LHPP: variants seen among roughly 807,000 people sequenced by gnomAD.
LHPP encodes phospholysine phosphohistidine inorganic pyrophosphate phosphatase, also known as hLHPP.
LHPP carries 24 observed loss-of-function variants against 30.3 expected under a neutral mutation model. The observed-to-expected ratio is 0.79, with a 90% CI of 0.57 to 1.11. LHPP has a LOEUF of 1.11. Ranked by LOEUF, LHPP falls within the 50% of genes most tolerant of loss-of-function variation. The pLI, the probability that LHPP is intolerant of heterozygous loss-of-function variation, is 0.00. For synonymous variants in LHPP, 150 were observed against 157.1 expected (o/e 0.95, Z 0.34); for missense variants, 356 against 367.2 (o/e 0.97, Z 0.25).
Position 124,576,885 on chromosome 10 carries a change from G to C in LHPP, c.717-36379G>C, listed in dbSNP as rs1368951717. ...GCTGCTGAGCACCCGACCACAGCCA[G>C]GCCTCCATGTGCCACTGTCAAGGGG... On this transcript the variant is annotated intron_variant, in intron 6 of 6. Transcript: ENST00000368842. This position sits in a 1 kb window ranked among gnomAD's most constrained non-coding sequence, Gnocchi z 4.2. 6.6e-6 allele frequency among the ~76,000 whole-genome samples: 1 copy of C among 152,150 alleles called. No individual in the cohort carries two copies. Among genetic ancestry groups the C allele is most frequent in the African/African-American group, 2.4e-5 (1 of 41,436 alleles).
chr10:124,526,063 G>T (rs749370850), intron 6 of LHPP: 1 of 499,438 alleles, frequency 2.0e-6, no homozygotes, highest in African/African-American at 2.1e-5. Context: ...TCTTGGGAAC[G>T]TGCAGGTCCC....
At chr10:124,600,371 G>A (rs1949005531) in intron 6 of LHPP, among the ~76,000 whole-genome samples, 1 of 152,272 alleles carries the variant, frequency 6.6e-6, no homozygotes, top group Admixed American at 6.5e-5. Context: ...CAGGCGACTG[G>A]GGCAGGGTGG....
intron 6 of LHPP, among the ~76,000 whole-genome samples, chr10:124,551,788 G>A (rs1002069045): frequency 6.6e-6 from 1 of 152,156 alleles, no homozygotes; most frequent in Non-Finnish European, 1.5e-5. Flanking sequence ...GCCGGCCTTG[G>A]GGAGCACCAG....
intron 1 of LHPP, among the ~76,000 whole-genome samples, chr10:124,463,961 C>A (rs185273198): frequency 6.6e-6 from 1 of 152,074 alleles, no homozygotes; most frequent in Non-Finnish European, 1.5e-5. Flanking sequence ...GAACTACAGG[C>A]ACGTGCCACC....
At chr10:124,469,271 A>G (rs890409818) in intron 1 of LHPP, among the ~76,000 whole-genome samples, 8 of 152,290 alleles carry the variant, frequency 5.3e-5, no homozygotes, top group African/African-American at 1.9e-4. Context: ...GCTCCCTGGC[A>G]GCATCGTCCG....
intron 6 of LHPP, among the ~76,000 whole-genome samples, chr10:124,522,126 C>T (rs1190959547): frequency 1.3e-5 from 2 of 152,210 alleles, no homozygotes; most frequent in African/African-American, 4.8e-5. Context: ...CATCCCCGGG[C>T]AGGGGTGTCT....
chr10:124,473,996 T>A (rs1437054316), intron 1 of LHPP, among the ~76,000 whole-genome samples: 1 of 151,900 alleles, frequency 6.6e-6, no homozygotes, highest in South Asian at 2.1e-4. Context: ...TTTTTTTAAG[T>A]TTTTGTTTTC....
chr10:124,539,108 G>A (rs1955111959), intron 6 of LHPP, among the ~76,000 whole-genome samples: 1 of 152,148 alleles, frequency 6.6e-6, no homozygotes, highest in African/African-American at 2.4e-5. Context: ...AATCTGGGGT[G>A]TCCTGAGGCA....
intron 6 of LHPP, among the ~76,000 whole-genome samples, chr10:124,591,229 C>T (rs1465737277): frequency 6.6e-6 from 1 of 152,212 alleles, no homozygotes; most frequent in African/African-American, 2.4e-5. Context: ...ATGGCCTGAG[C>T]TGCCGGTGAG....
intron 6 of LHPP, among the ~76,000 whole-genome samples, chr10:124,536,453 G>T (rs2133938508): frequency 6.6e-6 from 1 of 152,294 alleles, no homozygotes; most frequent in South Asian, 2.1e-4. Context: ...CATTGTTCCG[G>T]CCCCTCTCCC....
At chr10:124,545,800 C>T (rs1252697313) in intron 6 of LHPP, among the ~76,000 whole-genome samples, 4 of 152,162 alleles carry the variant, frequency 2.6e-5, no homozygotes, top group Non-Finnish European at 5.9e-5. Flanking sequence ...TAATTTGGGT[C>T]TGTAAAGGCC....
chr10:124,525,422 C>G (rs578163570), intron 6 of LHPP, among the ~76,000 whole-genome samples: 1 of 152,348 alleles, frequency 6.6e-6, no homozygotes, highest in East Asian at 1.9e-4. Context: ...ATGCCCCCAC[C>G]ACGGGGGGAC....
intron 6 of LHPP, among the ~76,000 whole-genome samples, chr10:124,585,908 C>T (rs553716808): frequency 3.5e-4 from 54 of 152,208 alleles, no homozygotes; most frequent in African/African-American, 1.2e-3. Flanking sequence ...CCTCAGCCTC[C>T]GGAGTAGCTG....
intron 6 of LHPP, among the ~76,000 whole-genome samples, chr10:124,533,725 G>A (rs34088510): frequency 2.6e-5 from 4 of 152,238 alleles, no homozygotes; most frequent in African/African-American, 9.6e-5. Context: ...ACACAGCCCA[G>A]CTTTGCAGGC....
chr10:124,601,909 C>T (rs1242815905), intron 6 of LHPP, among the ~76,000 whole-genome samples: 1 of 152,202 alleles, frequency 6.6e-6, no homozygotes, highest in South Asian at 2.1e-4. Context: ...ATGGGGAGGC[C>T]GTGGGCTACC....
At chr10:124,533,367 G>T (rs905668643) in intron 6 of LHPP, among the ~76,000 whole-genome samples, 50 of 152,344 alleles carry the variant, frequency 3.3e-4, no homozygotes, top group African/African-American at 1.2e-3. Context: ...GCAGGGGCGT[G>T]GGGGGTTGGA....
intron 6 of LHPP, among the ~76,000 whole-genome samples, chr10:124,578,290 C>T (rs540910547): frequency 3.9e-5 from 6 of 152,336 alleles, no homozygotes; most frequent in African/African-American, 7.2e-5. Flanking sequence ...GCTCAGCACA[C>T]GCCCCGTGAC....
intron 6 of LHPP, among the ~76,000 whole-genome samples, chr10:124,538,287 G>C (rs1265909143): frequency 6.6e-6 from 1 of 152,226 alleles, no homozygotes; most frequent in Non-Finnish European, 1.5e-5. Context: ...CCTGGGGTCT[G>C]TAAGCCTCCC....
At chr10:124,558,188 G>C (rs1948334315) in intron 6 of LHPP, among the ~76,000 whole-genome samples, 1 of 152,166 alleles carries the variant, frequency 6.6e-6, no homozygotes. Context: ...GGGAGTCATA[G>C]TGATGAGTCT....
Sources: gnomAD v4.1 joint callset for allele counts (sites outside exome capture counted in the v4.1 genomes callset) on GRCh38, gnomAD v4.1.1 for gene constraint, Gnocchi (gnomAD v3.1) non-coding constraint, MANE v1.5 for transcripts, NCBI Gene and HGNC (gene_info 2026-07-23, HGNC 2026-07-21) for gene names.